The following PRKAR1A variants were observed in gnomAD, a reference collection of about 807,000 sequenced individuals.
PRKAR1A encodes the protein cAMP-dependent protein kinase type I-alpha regulatory subunit.
Under a neutral mutation model 52.0 loss-of-function variants are expected in PRKAR1A, and 3 were observed. That is an observed-to-expected ratio of 0.06 (90% CI 0.03 to 0.15). PRKAR1A has a LOEUF of 0.15. PRKAR1A is among the 10% of genes least tolerant of loss of function. PRKAR1A has a pLI of 1.00. For synonymous variants in PRKAR1A, 188 were observed against 168.4 expected (o/e 1.12, Z -0.90); for missense variants, 240 against 477.4 (o/e 0.50, Z 4.63).
the PRKAR1A span, chr17:68,433,690 C>A: frequency 1.5e-6 from 1 of 681,992 alleles, no homozygotes; most frequent in East Asian, 3.2e-5. Flanking sequence ...CCTAGGTAGA[C>A]CCAGATCCCT....
At chr17:68,416,668 A>G in the PRKAR1A span, among the ~76,000 whole-genome samples, 2 of 152,064 alleles carry the variant, frequency 1.3e-5, no homozygotes, top group African/African-American at 4.8e-5. Context: ...ATATTTTCTT[A>G]TTCTTTTTCC....
At chr17:68,421,763 G>A in the PRKAR1A span, 1 of 1,614,080 alleles carries the variant, frequency 6.2e-7, no homozygotes, top group Admixed American at 1.7e-5. Flanking sequence ...TTTCTGAGGT[G>A]TGCTTCTCAT....
At chr17:68,428,213 C>T in the PRKAR1A span, 1 of 150,056 alleles carries the variant, frequency 6.7e-6, no homozygotes, top group East Asian at 2.0e-4. Flanking sequence ...CTTTTCAATT[C>T]CATGCAGGGA....
the PRKAR1A span, among the ~76,000 whole-genome samples, chr17:68,458,943 T>C: frequency 2.0e-5 from 3 of 151,672 alleles, no homozygotes; most frequent in East Asian, 5.8e-4. Context: ...TGTATGTGTA[T>C]ATATATATAT....
Position 68,530,916 on chromosome 17 carries a change from G to A in PRKAR1A, c.*467G>A, listed in dbSNP as rs1054803332. ...TAAACTCTAAAGATTAGGGAAAATG[G>A]ATATAGAAAATCTTAGTATAGTAGA... is the stretch of plus-strand genomic sequence containing the variant. On this transcript the variant is annotated 3_prime_UTR_variant, in exon 11 of 11. Transcript: ENST00000589228. 13 of 1,112,082 alleles carry A rather than the reference G, an allele frequency of 1.2e-5. No homozygotes were observed. The African/African-American group carries it at 1.8e-4, about 15-fold the overall frequency. 68.9% of individuals were successfully genotyped at this position (1,112,082 alleles called of 1,614,324 possible).
intron 11 of PRKAR1A, among the ~76,000 whole-genome samples, chr17:68,546,770 C>T (rs926181255): frequency 1.4e-5 from 2 of 143,626 alleles, no homozygotes; most frequent in African/African-American, 5.2e-5. Flanking sequence ...GTGGAGCTTG[C>T]AGTGAGCTGA....
chr17:68,414,846 T>C, the PRKAR1A span, among the ~76,000 whole-genome samples: 1 of 152,194 alleles, frequency 6.6e-6, no homozygotes, highest in Non-Finnish European at 1.5e-5. Flanking sequence ...CCTTGAATGA[T>C]CTTTTGTATT....
the PRKAR1A span, among the ~76,000 whole-genome samples, chr17:68,472,486 G>T: frequency 2.0e-5 from 3 of 152,094 alleles, no homozygotes; most frequent in African/African-American, 7.2e-5. Flanking sequence ...GAAACGTAGG[G>T]TTTCCTGTCC....
chr17:68,534,560 CTTTTTT>C (rs34994040), downstream of PRKAR1A, among the ~76,000 whole-genome samples: 3 of 111,054 alleles, frequency 2.7e-5, no homozygotes, highest in Admixed American at 2.8e-4. Flanking sequence ...TTTTTAGTGC[CTTTTTT>C]TTTTTTTTTT....
chr17:68,421,601 C>G, the PRKAR1A span: 1 of 814,094 alleles, frequency 1.2e-6, no homozygotes, highest in Non-Finnish European at 2.0e-6. Context: ...CAACCAGGGT[C>G]GTGGGAAGCT....
intron 11 of PRKAR1A, chr17:68,539,951 T>G (rs778211377): frequency 1.1e-5 from 18 of 1,614,132 alleles, no homozygotes; most frequent in Admixed American, 3.3e-5. Flanking sequence ...CTCATAATGG[T>G]GCCGGTCCAT....
At chr17:68,459,097 T>TA in the PRKAR1A span, among the ~76,000 whole-genome samples, 1 of 152,204 alleles carries the variant, frequency 6.6e-6, no homozygotes, top group African/African-American at 2.4e-5. Flanking sequence ...TCCACTGATG[T>TA]AAAAAATAGT....
exon 12 of PRKAR1A, chr17:68,551,105 G>A (rs1213962469): frequency 2.4e-6 from 3 of 1,234,228 alleles, no homozygotes; most frequent in Non-Finnish European, 3.0e-6. Flanking sequence ...ATCTCAAGGA[G>A]GAGCATTCCC....
At chr17:68,486,521 CTTTCTTTCTTTCTTTCTT>C in the PRKAR1A span, among the ~76,000 whole-genome samples, 1 of 96,914 alleles carries the variant, frequency 1.0e-5, no homozygotes, top group Admixed American at 1.2e-4. Context: ...TTCTTTCTTT[CTTTCTTTCTTTCTTTCTT>C]TCTTTCTTTC....
At chr17:68,538,889 C>T (rs1399349076) in intron 11 of PRKAR1A, among the ~76,000 whole-genome samples, 4 of 152,134 alleles carry the variant, frequency 2.6e-5, no homozygotes, top group Non-Finnish European at 4.4e-5. Context: ...AGTCATGAAT[C>T]GCTTAGTGAT....
the PRKAR1A span, among the ~76,000 whole-genome samples, chr17:68,415,659 T>C: frequency 1.1e-4 from 16 of 152,226 alleles, no homozygotes; most frequent in Non-Finnish European, 5.9e-5. Flanking sequence ...GTCTATCTCA[T>C]TTCTTACGTT....
downstream of PRKAR1A, chr17:68,535,714 G>A (rs2086079273): frequency 2.2e-6 from 1 of 448,776 alleles, no homozygotes; most frequent in African/African-American, 2.0e-5. Context: ...GTTTTGTCAT[G>A]TTACCCAGGC....
chr17:68,473,432 T>C, the PRKAR1A span, among the ~76,000 whole-genome samples: 2 of 152,096 alleles, frequency 1.3e-5, no homozygotes, highest in Admixed American at 6.6e-5. Flanking sequence ...ATAGAACTGA[T>C]TAGTGTGAAA....
rs116641831 is a variant in PRKAR1A, at chr17:68,517,069, T to C, written c.177+1493T>C. Reference sequence around the variant, plus strand: ...AGTTGCCACAGTACTGTTTAAAGACTAACAAAGGTGGAAAGCAATAAATAA... The same window carrying C: ...AGTTGCCACAGTACTGTTTAAAGACCAACAAAGGTGGAAAGCAATAAATAA... On this transcript the variant is annotated intron_variant, in intron 2 of 10. Transcript: ENST00000589228. 7.5e-3 allele frequency among the ~76,000 whole-genome samples: 1,147 copies of C among 152,350 alleles called. 17 individuals carry two copies. The highest frequency in any genetic ancestry group is 0.026 in the African/African-American group (1,073 of 41,582).
Sources: gnomAD v4.1 joint callset for allele counts (sites outside exome capture counted in the v4.1 genomes callset) on GRCh38, gnomAD v4.1.1 for gene constraint, MANE v1.5 for transcripts, NCBI Gene and HGNC (gene_info 2026-07-23, HGNC 2026-07-21) for gene names.